Variants in EIF3E observed in about 807,000 individuals in gnomAD.
The protein encoded by EIF3E is eukaryotic translation initiation factor 3 subunit E.
A neutral mutation model predicts 59.3 loss-of-function variants in EIF3E; 25 were observed. That is an observed-to-expected ratio of 0.42 (90% CI 0.31 to 0.59). The LOEUF (loss-of-function observed/expected upper bound fraction) is 0.59, where lower values mean the gene tolerates loss of function less well. Ranked by LOEUF, EIF3E falls within the 20% of genes least tolerant of loss-of-function variation. EIF3E has a pLI of 0.15. For synonymous variants in EIF3E, 176 were observed against 170.2 expected, an observed-to-expected ratio of 1.03 and a Z score of -0.26; for missense variants, 317 against 534.3, an observed-to-expected ratio of 0.59 and a Z score of 4.01.
rs151309327 is a variant in EIF3E, at chr8:108,208,808, T to C, written c.1062-5305A>G. Among the ~76,000 whole-genome samples the C allele has an allele frequency of 2.3e-3, 352 of 152,208 alleles. 1 individual carries two copies. The highest frequency in any genetic ancestry group is 7.9e-3 in the African/African-American group (329 of 41,568). ...TTCCATAATTTGTTTTCATCTACAA[T>C]TGAAAACTCGTCCAAGAATTATTTT... On this transcript the variant is annotated intron_variant, in intron 10 of 12. Coordinates refer to ENST00000220849, the MANE Select transcript of EIF3E (RefSeq NM_001568.3).
intron 5 of EIF3E, among the ~76,000 whole-genome samples, chr8:108,230,861 C>T (rs1586204617): frequency 6.6e-6 from 1 of 152,104 alleles, no homozygotes; most frequent in Admixed American, 6.5e-5. Context: ...ACTTCTGATA[C>T]ACACAATAAC....
chr8:108,203,538 C>T (rs372299942), intron 10 of EIF3E, 35 bp from the exon 11 acceptor site: 1 of 1,584,488 alleles, frequency 6.3e-7, no homozygotes, highest in Non-Finnish European at 8.7e-7. Context: ...TGTTAATTAA[C>T]TGGGCCTAAA....
At chr8:108,223,069 G>C (rs773623638) in intron 7 of EIF3E, among the ~76,000 whole-genome samples, 1 of 152,042 alleles carries the variant, frequency 6.6e-6, no homozygotes, top group South Asian at 2.1e-4. Context: ...TGTGCTACAA[G>C]AACATGAAAA....
intron 2 of EIF3E, 45 bp downstream of exon 2, chr8:108,241,754 T>A (rs754830661): frequency 2.5e-6 from 3 of 1,194,598 alleles, no homozygotes; most frequent in Admixed American, 2.5e-5. Context: ...AATACACACA[T>A]CCTCAAGTCA....
At chr8:108,207,824 T>A (rs567987432) in intron 10 of EIF3E, among the ~76,000 whole-genome samples, 2 of 152,278 alleles carry the variant, frequency 1.3e-5, no homozygotes, top group East Asian at 3.9e-4. Flanking sequence ...AAATCTTTCA[T>A]CCTCAGTTCA....
intron 10 of EIF3E, among the ~76,000 whole-genome samples, chr8:108,207,444 A>C (rs1023315909): frequency 1.3e-5 from 2 of 152,210 alleles, no homozygotes; most frequent in Non-Finnish European, 2.9e-5. Flanking sequence ...AACCAATTTT[A>C]AAAAGACAAA....
In EIF3E at chr8:108,201,733, G is replaced by A. The variant is rs1362316904; in HGVS notation, c.*152C>T. On this transcript the variant is annotated 3_prime_UTR_variant, in exon 13 of 13. Coordinates refer to ENST00000220849, the MANE Select transcript of EIF3E (RefSeq NM_001568.3). ...ACAAACTTGCACATGCAAGAAAACT[G>A]ACAGCAAGATAAAATGAATCAATTT... is the stretch of plus-strand genomic sequence containing the variant. The A allele has an allele frequency of 3.1e-6, 2 of 649,698 alleles. No homozygotes were observed. The highest frequency in any genetic ancestry group is 1.9e-5 in the African/African-American group (1 of 52,444). The allele number at this position is 649,698 out of a possible 1,614,324, so 40.2% of individuals were successfully genotyped here.
At chr8:108,243,549 A>G (rs1815883242) in intron 1 of EIF3E, 1 of 151,082 alleles carries the variant, frequency 6.6e-6, no homozygotes, top group African/African-American at 2.4e-5. Context: ...GAATGACGTG[A>G]ACCCAGGAGG....
At chr8:108,241,155 CAGA>C (rs1305273704) in intron 2 of EIF3E, among the ~76,000 whole-genome samples, 1 of 152,106 alleles carries the variant, frequency 6.6e-6, no homozygotes, top group East Asian at 1.9e-4. Context: ...TTCTGAAACA[CAGA>C]AGATCTATGA....
intron 7 of EIF3E, among the ~76,000 whole-genome samples, chr8:108,220,474 G>A (rs571865608): frequency 7.9e-5 from 12 of 152,314 alleles, no homozygotes; most frequent in Admixed American, 7.8e-4. Context: ...ACTTCTGACA[G>A]AACACAAAAT....
At chr8:108,240,683 T>G (rs1188409992) in intron 2 of EIF3E, among the ~76,000 whole-genome samples, 1 of 152,202 alleles carries the variant, frequency 6.6e-6, no homozygotes, top group African/African-American at 2.4e-5. Flanking sequence ...AATGTTTCAT[T>G]AAGAAACTAA....
intron 5 of EIF3E, among the ~76,000 whole-genome samples, chr8:108,234,036 A>G (rs1554600353): frequency 2.0e-5 from 3 of 151,838 alleles, no homozygotes; most frequent in Non-Finnish European, 1.5e-5. Flanking sequence ...GGCCTGATAT[A>G]TATTTATTTA....
chr8:108,232,173 C>T (rs542265540), intron 5 of EIF3E, among the ~76,000 whole-genome samples: 5 of 152,180 alleles, frequency 3.3e-5, no homozygotes, highest in African/African-American at 1.2e-4. Context: ...GTGGTAGTGG[C>T]TATCTAAATC....
rs549286967 is a variant in EIF3E, at chr8:108,229,789, A to AT, written c.472-595dup. ...CCTGTAATCCTAACAAAAACCCTAT[A>AT]TTTTTTTATCCCCATTTCAAAATGG... On this transcript the variant is annotated intron_variant, in intron 5 of 12. Transcript: ENST00000220849. Among the ~76,000 whole-genome samples, 368 of 152,168 alleles carry AT rather than the reference A, an allele frequency of 2.4e-3. 2 individuals are homozygous for AT. The highest frequency in any genetic ancestry group is 6.8e-3 in the Middle Eastern group (2 of 294).
At chr8:108,214,066 AATTTTTTCCCAAT>A (rs1815259768) in intron 10 of EIF3E, among the ~76,000 whole-genome samples, 1 of 152,226 alleles carries the variant, frequency 6.6e-6, no homozygotes, top group Non-Finnish European at 1.5e-5. Flanking sequence ...TACATTTCAC[AATTTTTTCCCAAT>A]ATTTTCTGAC....
intron 10 of EIF3E, among the ~76,000 whole-genome samples, chr8:108,209,933 T>C (rs1815175649): frequency 6.6e-6 from 1 of 152,192 alleles, no homozygotes; most frequent in Non-Finnish European, 1.5e-5. Context: ...TATATTTTAC[T>C]GTGGTTTTGC....
chr8:108,206,076 C>G (rs541784062), intron 10 of EIF3E, among the ~76,000 whole-genome samples: 1 of 152,208 alleles, frequency 6.6e-6, no homozygotes, highest in Non-Finnish European at 1.5e-5. Context: ...AAGTTCCCAT[C>G]ATTCTCCTTC....
chr8:108,204,968 C>G (rs1267242976), intron 10 of EIF3E, among the ~76,000 whole-genome samples: 1 of 151,926 alleles, frequency 6.6e-6, no homozygotes, highest in Non-Finnish European at 1.5e-5. Flanking sequence ...AAAAACACAC[C>G]AGTCTTAGTA....
chr8:108,211,721 C>A (rs1391679525), intron 10 of EIF3E, among the ~76,000 whole-genome samples: 1 of 152,184 alleles, frequency 6.6e-6, no homozygotes, highest in African/African-American at 2.4e-5. Flanking sequence ...TTACCTAATG[C>A]AGTGGTTTTG....
Sources: gnomAD v4.1 joint callset for allele counts (sites outside exome capture counted in the v4.1 genomes callset) on GRCh38, gnomAD v4.1.1 for gene constraint, MANE v1.5 for transcripts, NCBI Gene and HGNC (gene_info 2026-07-23, HGNC 2026-07-21) for gene names.